Variants in PRPSAP1 observed in about 807,000 individuals in gnomAD.
The protein encoded by PRPSAP1 is phosphoribosyl pyrophosphate synthase-associated protein 1.
Under a neutral mutation model 39.4 loss-of-function variants are expected in PRPSAP1, and 31 were observed. The observed-to-expected ratio is 0.79, with a 90% CI of 0.59 to 1.06. PRPSAP1 has a LOEUF of 1.06. PRPSAP1 is among the 50% of genes least tolerant of loss of function. The pLI, the probability that PRPSAP1 is intolerant of heterozygous loss-of-function variation, is 0.00. For synonymous variants in PRPSAP1, 212 were observed against 192.6 expected (o/e 1.10, Z -0.83); for missense variants, 430 against 511.6 (o/e 0.84, Z 1.54).
At chr17:76,311,848 C>A in intron 9 of PRPSAP1, 148 bp from the exon 10 acceptor site, 1 of 919,862 alleles carries the variant, frequency 1.1e-6, no homozygotes, top group Non-Finnish European at 1.6e-6. Context: ...TTTTATAAAC[C>A]AAAATTAACT....
rs2071064065 is a variant in PRPSAP1, at chr17:76,310,900, T to G, written c.*642A>C. The G allele has an allele frequency of 6.6e-6, 1 of 152,164 alleles. No individual in the cohort carries two copies. Among genetic ancestry groups the G allele is most frequent in the South Asian group, 2.1e-4 (1 of 4,824 alleles). 9.4% of individuals were successfully genotyped at this position (152,164 alleles called of 1,614,324 possible). A position where few individuals can be genotyped will look rare whatever the true frequency, so the allele number is the denominator to read the frequency against. On this transcript the variant is annotated 3_prime_UTR_variant, in exon 10 of 10. Coordinates refer to ENST00000446526, the MANE Select transcript of PRPSAP1 (RefSeq NM_002766.3). ...AGACCTGACTGCTGTTCTGTATCCA[T>G]GGTCTTCTGCTGTCTAATGAAAAGA...
At chr17:76,337,842 T>C (rs2071395764) in intron 3 of PRPSAP1, among the ~76,000 whole-genome samples, 1 of 152,038 alleles carries the variant, frequency 6.6e-6, no homozygotes, top group Non-Finnish European at 1.5e-5. Flanking sequence ...CCTGACCAAC[T>C]GATCCACCTG....
intron 7 of PRPSAP1, among the ~76,000 whole-genome samples, chr17:76,324,304 A>T (rs1389907468): frequency 6.6e-6 from 1 of 151,850 alleles, no homozygotes; most frequent in Non-Finnish European, 1.5e-5. Flanking sequence ...CTGACATTTT[A>T]AAAAATGCTG....
chr17:76,330,459 G>T, intron 5 of PRPSAP1, 92 bp downstream of exon 5: 2 of 938,266 alleles, frequency 2.1e-6, no homozygotes. Context: ...GAGCTCATTT[G>T]ATGTGCCTTC....
Position 76,311,492 on chromosome 17 carries a change from C to T in PRPSAP1, c.*50G>A. 6.3e-7 allele frequency: 1 copy of T among 1,578,508 alleles called. No homozygotes were observed. The highest frequency in any genetic ancestry group is 1.4e-5 in the African/African-American group (1 of 73,894). On this transcript the variant is annotated 3_prime_UTR_variant, in exon 10 of 10. Transcript: ENST00000446526. ...AAACACTGTATCACTCATGGCACTG[C>T]TTTTTCCATGTTTCCCTCAGGAGGT...
intron 3 of PRPSAP1, 26 bp from the exon 4 acceptor site, chr17:76,332,461 G>A (rs755075186): frequency 6.2e-7 from 1 of 1,611,574 alleles, no homozygotes; most frequent in East Asian, 2.2e-5. Context: ...TTTGTATTTG[G>A]GGATTAATTC....
rs749459779 is a variant in PRPSAP1 at position 76,330,078 on chromosome 17, T to G, written c.600A>C (p.Ala200=). The change falls in exon 6 of 10, where the codon GCA becomes GCC. Residue 200 remains alanine, a synonymous_variant. Coordinates refer to ENST00000446526, the MANE Select transcript of PRPSAP1 (RefSeq NM_002766.3). ...IQEEIPNYRN[A]VIVAKSPDAA... is the part of the protein sequence containing the mutation. Reference sequence around the variant, plus strand: ...CATCAGGAGACTTAGCTACAATGACTGCATTTCTGTAATTTGGAATCTAGA... The same window carrying G: ...CATCAGGAGACTTAGCTACAATGACGGCATTTCTGTAATTTGGAATCTAGA... The G allele has an allele frequency of 1.2e-6, 2 of 1,613,572 alleles. No homozygotes were observed. The highest frequency in any genetic ancestry group is 1.7e-6 in the Non-Finnish European group (2 of 1,179,492).
chr17:76,351,177 A>C (rs564884462), intron 1 of PRPSAP1, among the ~76,000 whole-genome samples: 24 of 152,192 alleles, frequency 1.6e-4, no homozygotes, highest in Admixed American at 7.9e-4. Flanking sequence ...GTTTGAGACC[A>C]GCCTGGCCAA....
chr17:76,325,326 G>C (rs929408694), intron 7 of PRPSAP1, among the ~76,000 whole-genome samples: 1 of 139,102 alleles, frequency 7.2e-6, no homozygotes, highest in Non-Finnish European at 1.5e-5. Flanking sequence ...GGAGAATGGC[G>C]TGAACCCGGG....
intron 2 of PRPSAP1, among the ~76,000 whole-genome samples, chr17:76,345,237 T>TAAAAAAAAAAAAAAAAAAAAAA (rs59693380): frequency 8.0e-5 from 5 of 62,192 alleles, no homozygotes; most frequent in African/African-American, 2.7e-4. Context: ...TCCGTCTCAT[T>TAAAAAAAAAAAAAAAAAAAAAA]AAAAAAAAAA....
intron 7 of PRPSAP1, among the ~76,000 whole-genome samples, chr17:76,323,965 G>A (rs2071225348): frequency 6.6e-6 from 1 of 151,512 alleles, no homozygotes; most frequent in Non-Finnish European, 1.5e-5. Context: ...GGCTGACATG[G>A]TAAAACCCTG....
At chr17:76,314,695 C>A (rs1315274529) in intron 7 of PRPSAP1, 2 of 152,410 alleles carry the variant, frequency 1.3e-5, no homozygotes, top group Non-Finnish European at 2.9e-5. Flanking sequence ...ATCAAGTCTT[C>A]TCTACTTGGT....
At chr17:76,346,042 G>T in intron 2 of PRPSAP1, 2 of 417,956 alleles carry the variant, frequency 4.8e-6, no homozygotes, top group South Asian at 1.9e-5. Flanking sequence ...GGAGGGGAAT[G>T]ACTCTATGGG....
Position 76,332,403 on chromosome 17 carries a change from A to T in PRPSAP1, c.323T>A (p.Ile108Asn). 4 of 1,614,196 alleles carry T rather than the reference A, an allele frequency of 2.5e-6. No individual in the cohort carries two copies. The highest frequency in any genetic ancestry group is 3.4e-6 in the Non-Finnish European group (4 of 1,180,030). ...DVNTAVMELL[I>N]MAYALKTACA... ...GGCAGTCTTCAGTGCGTAAGCCATG[A>T]TGAGCAACTCCATCACAGCTGTATT... Residue 108 changes from isoleucine to asparagine, a missense_variant, in exon 4 of 10, where the codon ATC becomes AAC. Around this residue, in one of 2 missense-constraint regions of PRPSAP1, gnomAD observed 278 missense variants for 376.3 expected, o/e 0.74. Transcript: ENST00000446526.
intron 1 of PRPSAP1, 107 bp from the exon 2 acceptor site, chr17:76,348,688 A>G: frequency 2.5e-6 from 2 of 813,572 alleles, no homozygotes; most frequent in South Asian, 3.9e-5. Flanking sequence ...TTAAGCTGCC[A>G]TTCTTTCCAA....
At chr17:76,322,538 A>G (rs1314185221) in intron 7 of PRPSAP1, among the ~76,000 whole-genome samples, 1 of 152,204 alleles carries the variant, frequency 6.6e-6, no homozygotes, top group Non-Finnish European at 1.5e-5. Flanking sequence ...TCCAAGTCTT[A>G]TTATTAAGAG....
chr17:76,312,991 C>T lies in PRPSAP1; in HGVS notation c.878G>A (p.Ser293Asn), dbSNP rs374403904. Residue 293 changes from serine (S) to asparagine (N), a missense_variant, in exon 9 of 10, where the codon AGT (serine) becomes AAT (asparagine). By Grantham distance (46) the Ser-to-Asn change is conservative. Coordinates refer to ENST00000446526, the MANE Select transcript of PRPSAP1 (RefSeq NM_002766.3). The part of the protein sequence containing the change: ...IVDDIIDDVE[S>N]FVAAAEILKE... ...CAGGATCTCCGCGGCAGCAACAAAA[C>T]TCTCCACATCGTCAATAATGTCATC... is the stretch of plus-strand genomic sequence containing the variant. The T allele has an allele frequency of 6.2e-7, 1 of 1,613,812 alleles. No individual in the cohort carries two copies. Among genetic ancestry groups the T allele is most frequent in the African/African-American group, 1.3e-5 (1 of 74,896 alleles).
chr17:76,339,941 G>A (rs565826036), intron 3 of PRPSAP1, among the ~76,000 whole-genome samples: 1 of 151,590 alleles, frequency 6.6e-6, no homozygotes, highest in East Asian at 1.9e-4. Context: ...AGACCAGCCT[G>A]GGCAACATGG....
In PRPSAP1 at chr17:76,348,585, T is replaced by C. The variant is rs910465451; in HGVS notation, c.171-4A>G. The C allele has an allele frequency of 2.0e-6, 3 of 1,526,578 alleles. No homozygotes were observed. The highest frequency in any genetic ancestry group is 2.5e-5 in the Admixed American group (1 of 40,356). 94.6% of individuals were successfully genotyped at this position (1,526,578 alleles called of 1,614,324 possible). On this transcript the variant is annotated splice_polypyrimidine_tract_variant and splice_region_variant and intron_variant, in intron 1 of 9. Coordinates refer to ENST00000446526, the MANE Select transcript of PRPSAP1 (RefSeq NM_002766.3). Reference sequence around the variant, plus strand: ...CCCCAATTCAGCACCAAGGCGCCTATAGATCAAAAAGAACAAAAAAGGGAA... The same window carrying C: ...CCCCAATTCAGCACCAAGGCGCCTACAGATCAAAAAGAACAAAAAAGGGAA...
Sources: gnomAD v4.1 joint callset for allele counts (sites outside exome capture counted in the v4.1 genomes callset) on GRCh38, gnomAD v4.1.1 for gene constraint, gnomAD v4.1.1 regional missense constraint, MANE v1.5 for transcripts, NCBI Gene and HGNC (gene_info 2026-07-23, HGNC 2026-07-21) for gene names.